TLN2: variants seen among roughly 807,000 people sequenced by gnomAD.
The protein encoded by TLN2 is talin-2.
In TLN2, 118 loss-of-function variants were observed where a neutral mutation model predicts 294.7. That is an observed-to-expected ratio of 0.40 (90% CI 0.34 to 0.47). The LOEUF (loss-of-function observed/expected upper bound fraction) is 0.47, where lower values mean the gene tolerates loss of function less well. TLN2 is among the 20% of genes least tolerant of loss of function. The pLI is 0.84. For missense variants in TLN2, 3,083 were observed against 3,282.2 expected (o/e 0.94, Z 1.48); for synonymous variants, 1,431 against 1,304.5 (o/e 1.10, Z -2.09).
Position 62,716,410 on chromosome 15 carries a change from A to G in TLN2, c.2714A>G (p.Asn905Ser). 2 of 1,612,252 alleles carry G rather than the reference A, an allele frequency of 1.2e-6. No individual in the cohort carries two copies. The highest frequency in any genetic ancestry group is 1.7e-6 in the Non-Finnish European group (2 of 1,179,250). The change falls in exon 23 of 59, where the codon AAC becomes AGC. Residue 905 changes from asparagine to serine, a missense_variant. Physicochemically the swap from Asn to Ser is conservative, Grantham distance 46. Transcript: ENST00000636159. ...EAAEGLRVAT[N>S]AAAQNAIKKK... is the part of the protein sequence containing the mutation. ...GCAGAAGGCCTCCGGGTAGCAACCAACGCAGCTGCCCAGAATGCTATTAAG... is the reference window on the plus strand; with the variant it reads ...GCAGAAGGCCTCCGGGTAGCAACCAGCGCAGCTGCCCAGAATGCTATTAAG...
chr15:62,400,860 G>C (rs934491379), intron 1 of TLN2, among the ~76,000 whole-genome samples: 8 of 142,412 alleles, frequency 5.6e-5, no homozygotes, highest in African/African-American at 2.1e-4. Flanking sequence ...CTGTCACCCA[G>C]GCTGGAGTGC....
intron 8 of TLN2, 144 bp from the exon 9 acceptor site, chr15:62,657,627 A>T: frequency 7.9e-7 from 1 of 1,272,902 alleles, no homozygotes; most frequent in South Asian, 2.0e-5. Context: ...GTGATCATCC[A>T]CTGTGTCCTG....
intron 15 of TLN2, 38 bp downstream of exon 15, chr15:62,697,906 G>T: frequency 6.3e-7 from 1 of 1,598,260 alleles, no homozygotes; most frequent in Non-Finnish European, 8.5e-7. Flanking sequence ...TCGTTAGTCT[G>T]CTGCCTCCCG....
At chr15:62,438,293 G>T (rs921345627) in intron 1 of TLN2, among the ~76,000 whole-genome samples, 2 of 108,152 alleles carry the variant, frequency 1.8e-5, no homozygotes, top group East Asian at 6.1e-4. Flanking sequence ...TTTAAAGGGA[G>T]TGGGGGCTAT....
intron 1 of TLN2, among the ~76,000 whole-genome samples, chr15:62,429,722 A>G (rs2034912785): frequency 6.6e-6 from 1 of 152,108 alleles, no homozygotes; most frequent in African/African-American, 2.4e-5. Context: ...TTTATTGTGA[A>G]TTGCTAAAAC....
intron 42 of TLN2, among the ~76,000 whole-genome samples, chr15:62,774,010 T>C (rs899084289): frequency 6.6e-6 from 1 of 152,060 alleles, no homozygotes. Flanking sequence ...CCTTCTCCAC[T>C]CATCCCCACC....
intron 11 of TLN2, among the ~76,000 whole-genome samples, chr15:62,686,400 G>T (rs961701115): frequency 6.6e-6 from 1 of 152,154 alleles, no homozygotes; most frequent in African/African-American, 2.4e-5. Context: ...GGAGCAAGCT[G>T]CTCTCCTGAA....
At chr15:62,600,135 A>C (rs1416619024) in intron 2 of TLN2, among the ~76,000 whole-genome samples, 1 of 152,160 alleles carries the variant, frequency 6.6e-6, no homozygotes, top group African/African-American at 2.4e-5. Flanking sequence ...GAAAAGACTG[A>C]AAACAACAGT....
At chr15:62,630,008 T>A (rs755522403) in intron 3 of TLN2, among the ~76,000 whole-genome samples, 2 of 152,216 alleles carry the variant, frequency 1.3e-5, no homozygotes, top group Non-Finnish European at 2.9e-5. Flanking sequence ...GTCAGGAAAT[T>A]ATCTTTTTTT....
intron 9 of TLN2, among the ~76,000 whole-genome samples, chr15:62,664,857 CAAAAAA>C (rs10634187): frequency 6.8e-5 from 2 of 29,212 alleles, no homozygotes; most frequent in Non-Finnish European, 1.2e-4. Flanking sequence ...GAAACTGTCT[CAAAAAA>C]AAAAAAAAAA....
At chr15:62,583,361 A>C (rs1420001034) in intron 1 of TLN2, among the ~76,000 whole-genome samples, 1 of 152,166 alleles carries the variant, frequency 6.6e-6, no homozygotes, top group African/African-American at 2.4e-5. Flanking sequence ...AGGCATTTGA[A>C]TGTTAGTTAA....
At chr15:62,415,775 T>G (rs1239903387) in intron 1 of TLN2, among the ~76,000 whole-genome samples, 1 of 152,184 alleles carries the variant, frequency 6.6e-6, no homozygotes, top group Non-Finnish European at 1.5e-5. Flanking sequence ...TTGCAGTGTG[T>G]GAGGCTGAGA....
chr15:62,748,000 A>C (rs537341955), intron 32 of TLN2, among the ~76,000 whole-genome samples: 1 of 152,184 alleles, frequency 6.6e-6, no homozygotes, highest in African/African-American at 2.4e-5. Flanking sequence ...GAGGTGGAAG[A>C]GGTGGAAGGG....
intron 3 of TLN2, among the ~76,000 whole-genome samples, chr15:62,627,953 T>C (rs2049429144): frequency 1.3e-5 from 2 of 152,232 alleles, no homozygotes; most frequent in African/African-American, 4.8e-5. Context: ...ATTCTAATTA[T>C]GCTATGAATT....
In TLN2 at chr15:62,843,686, T is replaced by A. The variant is rs1285636498; in HGVS notation, c.*3076T>A. Reference sequence around the variant, plus strand: ...GTGTTTACAGGCAACTAAAGCCTGTTCCTAATTTATCAAAAAATTATAACC... The same window carrying A: ...GTGTTTACAGGCAACTAAAGCCTGTACCTAATTTATCAAAAAATTATAACC... On this transcript the variant is annotated 3_prime_UTR_variant, in exon 59 of 59. Coordinates refer to ENST00000636159, the MANE Select transcript of TLN2 (RefSeq NM_015059.3). The A allele has an allele frequency of 6.6e-6, 1 of 152,240 alleles. No homozygotes were observed. The highest frequency in any genetic ancestry group is 1.5e-5 in the Non-Finnish European group (1 of 68,046). The allele number at this position is 152,240 out of a possible 1,614,324, so 9.4% of individuals were successfully genotyped here. A position where few individuals can be genotyped will look rare whatever the true frequency, so the allele number is the denominator to read the frequency against.
intron 3 of TLN2, among the ~76,000 whole-genome samples, chr15:62,634,384 C>A (rs954890819): frequency 6.6e-6 from 1 of 152,068 alleles, no homozygotes. Flanking sequence ...CCAGCTTTAT[C>A]TTAAGTTTTA....
At chr15:62,450,389 A>G (rs575509944) in intron 1 of TLN2, among the ~76,000 whole-genome samples, 43 of 152,272 alleles carry the variant, frequency 2.8e-4, no homozygotes, top group African/African-American at 7.9e-4. Context: ...GCACGAGTTT[A>G]ACTTGTATGT....
chr15:62,675,107 A>T, intron 10 of TLN2, 110 bp from the exon 11 acceptor site: 3 of 962,254 alleles, frequency 3.1e-6, no homozygotes, highest in Non-Finnish European at 4.8e-6. Flanking sequence ...ACCATCACTT[A>T]ATGATCATTC....
chr15:62,748,954 C>A (rs1167525908), intron 33 of TLN2, among the ~76,000 whole-genome samples: 1 of 152,232 alleles, frequency 6.6e-6, no homozygotes, highest in Non-Finnish European at 1.5e-5. Flanking sequence ...TGTGGGGCCC[C>A]TAAGGGCCCA....
Sources: allele counts gnomAD v4.1 joint callset (sites outside exome capture counted in the v4.1 genomes callset), GRCh38; gene constraint gnomAD v4.1.1; transcripts MANE v1.5; gene names NCBI Gene and HGNC (gene_info 2026-07-23, HGNC 2026-07-21).